BAP1: variants seen among roughly 807,000 people sequenced by gnomAD.
BAP1 encodes the protein BRCA1 associated deubiquitinase 1.
BAP1 carries 16 observed loss-of-function variants against 77.2 expected under a neutral mutation model. That is an observed-to-expected ratio of 0.21 (90% CI 0.14 to 0.31). The LOEUF (loss-of-function observed/expected upper bound fraction) is 0.31. Ranked by LOEUF, BAP1 falls within the 10% of genes least tolerant of loss-of-function variation. The pLI is 1.00. For missense variants in BAP1, 699 were observed against 967.3 expected, an observed-to-expected ratio of 0.72 and a Z score of 3.68; for synonymous variants, 362 against 385.2, an observed-to-expected ratio of 0.94 and a Z score of 0.71.
rs765602174 is a variant in BAP1, at chr3:52,406,531, G to C, written c.660-155C>G. 186 of 1,198,282 alleles carry C rather than the reference G, an allele frequency of 1.6e-4. No homozygotes were observed. Among genetic ancestry groups the C allele is most frequent in the Middle Eastern group, 5.4e-4 (2 of 3,724 alleles). 74.2% of individuals were successfully genotyped at this position (1,198,282 alleles called of 1,614,324 possible). On this transcript the variant is annotated intron_variant, in intron 8 of 16. Transcript: ENST00000460680. This position sits in a 1 kb window ranked among gnomAD's most constrained non-coding sequence, Gnocchi z 4.6. ...AGGCAGCGACTAGCCATACATGCCA[G>C]GCACCTGAGCTGGTACCTTCCAACA...
At chr3:52,407,096 A>G in intron 7 of BAP1, 78 bp downstream of exon 7, 2 of 1,606,414 alleles carry the variant, frequency 1.2e-6, no homozygotes, top group Non-Finnish European at 8.5e-7. Context: ...TGGGTACCAC[A>G]TACCAGAGGG....
chr3:52,404,987 G>T, intron 11 of BAP1, 123 bp downstream of exon 11: 2 of 1,350,276 alleles, frequency 1.5e-6, no homozygotes, highest in Non-Finnish European at 1.1e-6. Context: ...TAGCAACCCA[G>T]GCCCAGGCAG....
rs2153226561 is a variant in BAP1, at chr3:52,403,404, T to G, written c.1729+12A>C. ...GTGCACCAAGTGGCCAGTGAGCCAG[T>G]CCAAGGCCCACCTGTCAGCGCCAGG... On this transcript the variant is annotated intron_variant, in intron 13 of 16. Coordinates refer to ENST00000460680, the MANE Select transcript of BAP1 (RefSeq NM_004656.4). The surrounding 1 kb of genome is among the most constrained non-coding windows in gnomAD (Gnocchi z 4.0). 6.2e-7 allele frequency: 1 copy of G among 1,613,488 alleles called. No homozygotes were observed. Among genetic ancestry groups the G allele is most frequent in the Non-Finnish European group, 8.5e-7 (1 of 1,179,898 alleles).
chr3:52,403,786 T>C lies in BAP1; in HGVS notation c.1359A>G (p.Lys453=), dbSNP rs1295796878. 6.2e-7 allele frequency: 1 copy of C among 1,614,008 alleles called. No homozygotes were observed. Among genetic ancestry groups the C allele is most frequent in the Admixed American group, 1.7e-5 (1 of 60,012 alleles). The change falls in exon 13 of 17, where the codon AAA becomes AAG. Residue 453 remains lysine (K), a synonymous_variant. Transcript: ENST00000460680. This position sits in a 1 kb window ranked among gnomAD's most constrained non-coding sequence, Gnocchi z 4.0. ...NTINVLAEKL[K]ESQKDLSIPL... is the part of the protein sequence containing the mutation. ...GAATTGAGAGGTCCTTCTGGGACTC[T>C]TTGAGCTTCTCAGCCAAGACGTTGA...
rs2153227262 is a variant in BAP1 at position 52,405,862 on chromosome 3, C to T, written c.834G>A (p.Glu278=). 1 of 1,614,148 alleles carries T rather than the reference C, an allele frequency of 6.2e-7. No homozygotes were observed. The highest frequency in any genetic ancestry group is 1.1e-5 in the South Asian group (1 of 91,078). Reference sequence around the variant, plus strand: ...ACTTGGACTCCTCAGGCAGCTGTGACTCTTGAGACTTGTGGGTCTGAATCA... The same window carrying T: ...ACTTGGACTCCTCAGGCAGCTGTGATTCTTGAGACTTGTGGGTCTGAATCA... ...PELIQTHKSQ[E]SQLPEESKSA... Residue 278 remains glutamate, a synonymous_variant, in exon 10 of 17, where the codon GAG becomes GAA. Coordinates refer to ENST00000460680, the MANE Select transcript of BAP1 (RefSeq NM_004656.4).
At chr3:52,405,972 A>G (rs2153227333) in intron 9 of BAP1, 60 bp from the exon 10 acceptor site, 1 of 1,608,576 alleles carries the variant, frequency 6.2e-7, no homozygotes, top group Non-Finnish European at 8.5e-7. Flanking sequence ...TACCTTAAAT[A>G]GCTAAGGGCT....
At chr3:52,405,492 G>GAAAAAAAA (rs71084182) in intron 10 of BAP1, 198 bp from the exon 11 acceptor site, 38 of 81,234 alleles carry the variant, frequency 4.7e-4, no homozygotes, top group Admixed American at 7.4e-4. Context: ...GAAGCAGGAA[G>GAAAAAAAA]AAAAAAAAAA....
Position 52,402,093 on chromosome 3 carries a change from A to AT in BAP1, c.*194_*195insA. On this transcript the variant is annotated 3_prime_UTR_variant, in exon 17 of 17. Transcript: ENST00000460680. This position sits in a 1 kb window ranked among gnomAD's most constrained non-coding sequence, Gnocchi z 5.3. ...CAACTCCAGATGCTGCCTCCTGAGC[A>AT]CTATGGGGCTGATCTGCCGTGTCAG... 5 of 929,410 alleles carry AT rather than the reference A, an allele frequency of 5.4e-6. No individual in the cohort carries two copies. The highest frequency in any genetic ancestry group is 7.9e-6 in the Non-Finnish European group (5 of 633,556). The allele number at this position is 929,410 out of a possible 1,614,324, so 57.6% of individuals were successfully genotyped here.
In BAP1 at chr3:52,401,388, T is replaced by G. The variant is rs955744234; in HGVS notation, c.*900A>C. On this transcript the variant is annotated 3_prime_UTR_variant, in exon 17 of 17. Coordinates refer to ENST00000460680, the MANE Select transcript of BAP1 (RefSeq NM_004656.4). The stretch of plus-strand genomic sequence containing the variant: ...GGTGCCAGCTTCCTATAAGCAACCC[T>G]GTCTCTGCTACCCCTGAGAGGGAGA... The G allele has an allele frequency of 3.4e-5, 8 of 233,578 alleles. No homozygotes were observed. Among genetic ancestry groups the G allele is most frequent in the African/African-American group, 1.8e-4 (8 of 45,452 alleles). The allele number at this position is 233,578 out of a possible 1,614,324, so 14.5% of individuals were successfully genotyped here.
chr3:52,409,132 AGACTC>A (rs2153228436), intron 3 of BAP1, among the ~76,000 whole-genome samples: 1 of 152,356 alleles, frequency 6.6e-6, no homozygotes, highest in East Asian at 1.9e-4. Context: ...CACTGGGAAA[AGACTC>A]TAAGTGTGGG....
rs1462184055 is a variant in BAP1 at position 52,407,321 on chromosome 3, G to C, written c.438-5C>G. On this transcript the variant is annotated splice_polypyrimidine_tract_variant and splice_region_variant and intron_variant, in intron 6 of 16. Coordinates refer to ENST00000460680, the MANE Select transcript of BAP1 (RefSeq NM_004656.4). Reference sequence around the variant, plus strand: ...GGGAGGTGGCGTGGCTCGGGCCTGGGGAAAAACAGAGTCAGGGCCCAAAAA... The same window carrying C: ...GGGAGGTGGCGTGGCTCGGGCCTGGCGAAAAACAGAGTCAGGGCCCAAAAA... 1 of 1,614,134 alleles carries C rather than the reference G, an allele frequency of 6.2e-7. No homozygotes were observed. Among genetic ancestry groups the C allele is most frequent in the South Asian group, 1.1e-5 (1 of 91,074 alleles).
In BAP1 at chr3:52,407,297, G is replaced by A. The variant is rs2153227864; in HGVS notation, c.457C>T (p.Pro153Ser). 4 of 1,614,162 alleles carry A rather than the reference G, an allele frequency of 2.5e-6. No homozygotes were observed. Among genetic ancestry groups the A allele is most frequent in the Non-Finnish European group, 3.4e-6 (4 of 1,180,022 alleles). Residue 153 changes from proline to serine, a missense_variant, in exon 7 of 17, where the codon CCT (proline) becomes TCT (serine). Pro to Ser is a moderately conservative substitution (Grantham distance 74). Transcript: ENST00000460680. ...GCACTAAGGCCATTCTGCTTCTCAG[G>A]GAGGTGGCGTGGCTCGGGCCTGGGG... ...SHARPEPRHL[P>S]EKQNGLSAVR...
At chr3:52,408,965 A>G (rs537688476) in intron 3 of BAP1, among the ~76,000 whole-genome samples, 1 of 152,382 alleles carries the variant, frequency 6.6e-6, no homozygotes, top group African/African-American at 2.4e-5. Flanking sequence ...CTGATGAGGA[A>G]CTGAGGCACT....
rs1044406018 is a variant in BAP1 at position 52,406,467 on chromosome 3, A to T, written c.660-91T>A. Reference sequence around the variant, plus strand: ...TATCCTGGCAGGGCTCCCTGCAGTCACACCTGCAGCTGTAGGTATAGGCCC... The same window carrying T: ...TATCCTGGCAGGGCTCCCTGCAGTCTCACCTGCAGCTGTAGGTATAGGCCC... On this transcript the variant is annotated intron_variant, in intron 8 of 16. Transcript: ENST00000460680. The surrounding 1 kb of genome is among the most constrained non-coding windows in gnomAD (Gnocchi z 4.6). The T allele has an allele frequency of 2.5e-5, 39 of 1,579,398 alleles. 1 individual carries two copies. Among genetic ancestry groups the T allele is most frequent in the African/African-American group, 4.0e-5 (3 of 74,438 alleles).
At position 52,401,947 on chromosome 3, in the gene BAP1, G is replaced by A; in HGVS notation, c.*341C>T. ...GTCAACATGGTGGCATGTTGGGTTG[G>A]AGCCCAGAAAAATAGATGTCTCTGA... is the stretch of plus-strand genomic sequence containing the variant. On this transcript the variant is annotated 3_prime_UTR_variant, in exon 17 of 17. Coordinates refer to ENST00000460680, the MANE Select transcript of BAP1 (RefSeq NM_004656.4). 2 of 443,184 alleles carry A rather than the reference G, an allele frequency of 4.5e-6. No homozygotes were observed. Among genetic ancestry groups the A allele is most frequent in the Non-Finnish European group, 8.3e-6 (2 of 242,256 alleles). The allele number at this position is 443,184 out of a possible 1,614,324, so 27.5% of individuals were successfully genotyped here. A position where few individuals can be genotyped will look rare whatever the true frequency, so the allele number is the denominator to read the frequency against.
rs2153226320 is a variant in BAP1 at position 52,402,838 on chromosome 3, C to T, written c.1924G>A (p.Glu642Lys). 1 of 1,614,232 alleles carries T rather than the reference C, an allele frequency of 6.2e-7. No homozygotes were observed. Among genetic ancestry groups the T allele is most frequent in the Non-Finnish European group, 8.5e-7 (1 of 1,180,040 alleles). ...AGGCACGCCTCATAGTTTGCAATCT[C>T]AGCCTCCACACACTTCAGCAGTGCC... ...LLALLKCVEA[E>K]IANYEACLKE... The change falls in exon 15 of 17, where the codon GAG (glutamate) becomes AAG (lysine). Residue 642 changes from glutamate to lysine, a missense_variant. Physicochemically the swap from Glu to Lys is moderately conservative, Grantham distance 56 (BLOSUM62 1). Transcript: ENST00000460680. The surrounding 1 kb of genome is among the most constrained non-coding windows in gnomAD (Gnocchi z 5.3).
Position 52,402,280 on chromosome 3 carries a change from A to G in BAP1, c.*8T>C. On this transcript the variant is annotated 3_prime_UTR_variant, in exon 17 of 17. Coordinates refer to ENST00000460680, the MANE Select transcript of BAP1 (RefSeq NM_004656.4). The surrounding 1 kb of genome is among the most constrained non-coding windows in gnomAD (Gnocchi z 5.3). Reference sequence around the variant, plus strand: ...AAGAGTGGGCTGCAGAGTCAGGGCCAGCAGTCCTCACTGGCGCTTGGCCTT... The same window carrying G: ...AAGAGTGGGCTGCAGAGTCAGGGCCGGCAGTCCTCACTGGCGCTTGGCCTT... 6.2e-7 allele frequency: 1 copy of G among 1,600,942 alleles called. No individual in the cohort carries two copies. The highest frequency in any genetic ancestry group is 8.5e-7 in the Non-Finnish European group (1 of 1,175,400).
In BAP1 at chr3:52,407,168, G is replaced by A. The variant is rs1553645784; in HGVS notation, c.580+6C>T. 1.2e-6 allele frequency: 2 copies of A among 1,613,778 alleles called. No homozygotes were observed. The highest frequency in any genetic ancestry group is 2.2e-5 in the East Asian group (1 of 44,890). On this transcript the variant is annotated splice_donor_region_variant and intron_variant, in intron 7 of 16. Coordinates refer to ENST00000460680, the MANE Select transcript of BAP1 (RefSeq NM_004656.4). ...ACCCAACAGGCCTCCAGCTCATGGT[G>A]CCTACCATGGTCAATGGGGTAGACC...
intron 4 of BAP1, 72 bp from the exon 5 acceptor site, chr3:52,408,149 A>T: frequency 6.4e-7 from 1 of 1,555,370 alleles, no homozygotes; most frequent in Non-Finnish European, 8.7e-7. Context: ...TACATCAAGA[A>T]TGGGGATCCA....
Sources: allele counts gnomAD v4.1 joint callset (sites outside exome capture counted in the v4.1 genomes callset), GRCh38; gene constraint gnomAD v4.1.1; non-coding constraint Gnocchi (gnomAD v3.1); transcripts MANE v1.5; gene names NCBI Gene and HGNC (gene_info 2026-07-23, HGNC 2026-07-21).